The following TAFA1 variants were observed in gnomAD, a reference collection of about 807,000 sequenced individuals.
TAFA1 encodes chemokine-like protein TAFA-1.
In TAFA1, 4 loss-of-function variants were observed where a neutral mutation model predicts 18.5. The observed-to-expected ratio is 0.22, with a 90% CI of 0.11 to 0.49. The LOEUF is 0.49. TAFA1 is among the 20% of genes least tolerant of loss of function. The pLI, the probability that TAFA1 is intolerant of heterozygous loss-of-function variation, is 0.98. For missense variants in TAFA1, 147 were observed against 169.0 expected, an observed-to-expected ratio of 0.87 and a Z score of 0.72; for synonymous variants, 56 against 55.2, an observed-to-expected ratio of 1.01 and a Z score of -0.06.
chr3:68,031,825 C>T (rs1463706529), intron 2 of TAFA1, among the ~76,000 whole-genome samples: 2 of 152,024 alleles, frequency 1.3e-5, no homozygotes, highest in African/African-American at 2.4e-5. Context: ...TTATTTTTTC[C>T]GTGGCTTCAT....
At chr3:68,286,836 G>C (rs1391929653) in intron 2 of TAFA1, among the ~76,000 whole-genome samples, 1 of 152,130 alleles carries the variant, frequency 6.6e-6, no homozygotes, top group African/African-American at 2.4e-5. Flanking sequence ...AAATGTGAGA[G>C]AAAAACTCTC....
chr3:68,453,223 G>T (rs1204490692), intron 3 of TAFA1, among the ~76,000 whole-genome samples: 2 of 152,190 alleles, frequency 1.3e-5, no homozygotes, highest in East Asian at 3.8e-4. Context: ...GTCTTGACAA[G>T]AGAGCCATTG....
At chr3:68,280,831 A>G (rs1300173359) in intron 2 of TAFA1, among the ~76,000 whole-genome samples, 1 of 152,184 alleles carries the variant, frequency 6.6e-6, no homozygotes, top group Non-Finnish European at 1.5e-5. Flanking sequence ...TCAGGATAAT[A>G]ACCAGTTTCT....
At chr3:68,280,191 C>G (rs73836845) in intron 2 of TAFA1, among the ~76,000 whole-genome samples, 3 of 152,100 alleles carry the variant, frequency 2.0e-5, no homozygotes, top group African/African-American at 7.2e-5. Context: ...CATAAAAGGA[C>G]TTTTAAAAGG....
At chr3:68,130,430 A>G (rs1169290858) in intron 2 of TAFA1, among the ~76,000 whole-genome samples, 2 of 152,018 alleles carry the variant, frequency 1.3e-5, no homozygotes, top group African/African-American at 2.4e-5. Flanking sequence ...ACCACACTCA[A>G]CCAAACCTCC....
At chr3:68,028,429 TAACCCAAAA>T (rs1704862881) in intron 2 of TAFA1, among the ~76,000 whole-genome samples, 1 of 86,752 alleles carries the variant, frequency 1.2e-5, no homozygotes, top group Non-Finnish European at 2.6e-5. Context: ...ATATTATTTT[TAACCCAAAA>T]TACTTTATTG....
At chr3:68,299,691 G>A (rs562644941) in intron 2 of TAFA1, among the ~76,000 whole-genome samples, 24 of 152,306 alleles carry the variant, frequency 1.6e-4, no homozygotes, top group Admixed American at 9.8e-4. Flanking sequence ...TGGAGGCCTA[G>A]GAGGAAAAAA....
chr3:68,213,950 A>C (rs2066625428), intron 2 of TAFA1, among the ~76,000 whole-genome samples: 1 of 152,048 alleles, frequency 6.6e-6, no homozygotes, highest in South Asian at 2.1e-4. Context: ...TATACACACA[A>C]AAAAAGACTA....
intron 3 of TAFA1, among the ~76,000 whole-genome samples, chr3:68,440,740 C>T (rs1280794081): frequency 2.6e-5 from 4 of 152,108 alleles, no homozygotes; most frequent in Admixed American, 6.6e-5. Context: ...AATGGTAATA[C>T]TAAGATCTCT....
At chr3:68,076,623 C>A (rs867013859) in intron 2 of TAFA1, among the ~76,000 whole-genome samples, 21 of 152,390 alleles carry the variant, frequency 1.4e-4, no homozygotes, top group African/African-American at 5.0e-4. Flanking sequence ...CATGTCCCTA[C>A]AAAGGACATG....
intron 3 of TAFA1, among the ~76,000 whole-genome samples, chr3:68,530,654 G>A (rs989473688): frequency 1.4e-4 from 22 of 151,994 alleles, no homozygotes; most frequent in Non-Finnish European, 2.6e-4. Flanking sequence ...AAAAGTCCTC[G>A]GAGCAGTTAT....
intron 2 of TAFA1, among the ~76,000 whole-genome samples, chr3:68,332,283 T>C (rs2068891741): frequency 6.6e-6 from 1 of 152,082 alleles, no homozygotes; most frequent in Non-Finnish European, 1.5e-5. Flanking sequence ...ATTAAAGATC[T>C]AAATGTAACA....
At chr3:68,067,526 A>G (rs914144443) in intron 2 of TAFA1, among the ~76,000 whole-genome samples, 1 of 152,202 alleles carries the variant, frequency 6.6e-6, no homozygotes, top group African/African-American at 2.4e-5. Context: ...TAATACAAGC[A>G]CTTAGTTTTA....
rs1045091338 is a variant in TAFA1, at chr3:68,239,540, C to A, written c.119-177740C>A. On this transcript the variant is annotated intron_variant, in intron 2 of 4. Transcript: ENST00000478136. ...GTGTGAACTACACCCCTAGCCTGAC[C>A]CAGCCCCAAACAAAAACAGTCACCA... 6.6e-5 allele frequency among the ~76,000 whole-genome samples: 10 copies of A among 151,772 alleles called. No individual in the cohort carries two copies. In the East Asian group the frequency reaches 1.9e-3, roughly 29 times the overall value.
intron 1 of TAFA1, chr3:68,006,186 TAA>T (rs75512410): frequency 5.8e-4 from 84 of 145,926 alleles, no homozygotes; most frequent in South Asian, 2.0e-3. Context: ...ACTGTAGAAT[TAA>T]AAAAAAAAAA....
At chr3:68,124,112 G>A (rs1047243892) in intron 2 of TAFA1, among the ~76,000 whole-genome samples, 6 of 152,016 alleles carry the variant, frequency 3.9e-5, no homozygotes, top group Non-Finnish European at 8.8e-5. Context: ...GAGAGTTTGA[G>A]GGTTTCTTTT....
intron 3 of TAFA1, among the ~76,000 whole-genome samples, chr3:68,426,573 A>G (rs1027493557): frequency 1.3e-5 from 2 of 151,920 alleles, no homozygotes; most frequent in African/African-American, 4.8e-5. Context: ...TGTTTCATCA[A>G]TCAAATAGGC....
intron 2 of TAFA1, among the ~76,000 whole-genome samples, chr3:68,158,019 T>C (rs1223230706): frequency 6.6e-6 from 1 of 152,166 alleles, no homozygotes; most frequent in African/African-American, 2.4e-5. Flanking sequence ...TAGCTTTCTC[T>C]TAGAATGAGC....
chr3:68,194,906 G>A lies in TAFA1; in HGVS notation c.118+188162G>A, dbSNP rs186181631. Among the ~76,000 whole-genome samples the A allele has an allele frequency of 5.4e-4, 82 of 151,724 alleles. No homozygotes were observed. In the East Asian group the frequency reaches 0.013, roughly 23 times the overall value. ...CTACAGGTGTGTGAGCGTCATCATC[G>A]TCATTATCAGTACTAACTAGTAATA... On this transcript the variant is annotated intron_variant, in intron 2 of 4. Transcript: ENST00000478136.
Sources: gnomAD v4.1 joint callset for allele counts (sites outside exome capture counted in the v4.1 genomes callset) on GRCh38, gnomAD v4.1.1 for gene constraint, MANE v1.5 for transcripts, NCBI Gene and HGNC (gene_info 2026-07-23, HGNC 2026-07-21) for gene names.